The following TBXAS1 variants were observed in gnomAD, a reference collection of about 807,000 sequenced individuals.
The protein encoded by TBXAS1 is thromboxane-A synthase.
In TBXAS1, 48 loss-of-function variants were observed where a neutral mutation model predicts 60.7. That is an observed-to-expected ratio of 0.79 (90% CI 0.63 to 1.01). The LOEUF (loss-of-function observed/expected upper bound fraction) is 1.01, where lower values mean the gene tolerates loss of function less well. Ranked by LOEUF, TBXAS1 falls within the 50% of genes least tolerant of loss-of-function variation. TBXAS1 has a pLI of 0.00. For missense variants in TBXAS1, 685 were observed against 686.3 expected (o/e 1.00, Z 0.02); for synonymous variants, 287 against 269.7 (o/e 1.06, Z -0.63).
intron 2 of TBXAS1, among the ~76,000 whole-genome samples, chr7:139,782,057 C>G (rs1291475286): frequency 6.6e-6 from 1 of 151,512 alleles, no homozygotes. Context: ...GCAGAGAGGG[C>G]CTTACCAGTC....
intron 2 of TBXAS1, among the ~76,000 whole-genome samples, chr7:139,874,993 G>A (rs1211908960): frequency 6.6e-6 from 1 of 152,200 alleles, no homozygotes; most frequent in African/African-American, 2.4e-5. Context: ...TACTCAGGAG[G>A]CTGAGACAGG....
intron 9 of TBXAS1, among the ~76,000 whole-genome samples, chr7:139,986,628 A>G (rs1350050562): frequency 3.3e-5 from 5 of 150,070 alleles, no homozygotes; most frequent in Non-Finnish European, 7.4e-5. Context: ...TTCCATTCCT[A>G]AGTTACTTCA....
At chr7:139,936,765 C>G (rs1334237354) in intron 5 of TBXAS1, among the ~76,000 whole-genome samples, 1 of 152,212 alleles carries the variant, frequency 6.6e-6, no homozygotes, top group Non-Finnish European at 1.5e-5. Context: ...ATGAACCACA[C>G]TTTACATAGC....
At chr7:140,014,561 ATG>A (rs1380696745) in intron 10 of TBXAS1, among the ~76,000 whole-genome samples, 4 of 151,944 alleles carry the variant, frequency 2.6e-5, no homozygotes, top group African/African-American at 9.7e-5. Flanking sequence ...GTGTGTGTGC[ATG>A]TGTGTGTGTG....
intron 5 of TBXAS1, chr7:139,952,754 C>G: frequency 6.9e-7 from 1 of 1,452,924 alleles, no homozygotes. Context: ...AACAATTGCC[C>G]CATGTGGGCA....
intron 4 of TBXAS1, among the ~76,000 whole-genome samples, chr7:139,807,446 C>T (rs1335291580): frequency 9.2e-5 from 14 of 151,958 alleles, no homozygotes; most frequent in African/African-American, 3.4e-4. Flanking sequence ...TGTAGTGGCG[C>T]AATCTCGGCT....
intron 4 of TBXAS1, among the ~76,000 whole-genome samples, chr7:139,915,143 C>T (rs774918846): frequency 3.9e-5 from 6 of 152,160 alleles, no homozygotes; most frequent in South Asian, 2.1e-4. Flanking sequence ...AATTCCATAT[C>T]GATGGTAAAA....
At chr7:139,959,414 G>T (rs1309747072) in intron 8 of TBXAS1, among the ~76,000 whole-genome samples, 1 of 152,158 alleles carries the variant, frequency 6.6e-6, no homozygotes, top group African/African-American at 2.4e-5. Flanking sequence ...ACATCTATCA[G>T]GGTGCGTATT....
intron 3 of TBXAS1, among the ~76,000 whole-genome samples, chr7:139,906,485 T>G (rs1002731698): frequency 2.6e-5 from 4 of 152,224 alleles, no homozygotes; most frequent in African/African-American, 9.6e-5. Context: ...CCCATTGATC[T>G]ATGTGTTTGT....
At chr7:139,869,205 C>A (rs1413145962) in intron 1 of TBXAS1, among the ~76,000 whole-genome samples, 2 of 152,154 alleles carry the variant, frequency 1.3e-5, no homozygotes, top group African/African-American at 4.8e-5. Context: ...TTCCTTGCCT[C>A]TTCCTAGCTT....
chr7:139,854,589 C>A lies in TBXAS1; in HGVS notation c.90-17646C>A, dbSNP rs74435536. Among the ~76,000 whole-genome samples, 1,088 of 152,204 alleles carry A rather than the reference C, an allele frequency of 7.1e-3. 15 individuals are homozygous for A. The highest frequency in any genetic ancestry group is 0.026 in the African/African-American group (1,062 of 41,504). On this transcript the variant is annotated intron_variant, in intron 1 of 12. Transcript: ENST00000448866. ...AACTCTATGCCCAAGGGAGAGACGA[C>A]GACCTGATATAGGGCAGTGCCAGTT... is the stretch of plus-strand genomic sequence containing the variant.
chr7:139,978,965 A>T (rs1312568189), intron 9 of TBXAS1, among the ~76,000 whole-genome samples: 4 of 152,164 alleles, frequency 2.6e-5, no homozygotes, highest in African/African-American at 9.7e-5. Context: ...CAAAAAAACT[A>T]AAAAAGACTA....
chr7:140,016,283 G>C (rs1273814000), intron 11 of TBXAS1: 4 of 301,570 alleles, frequency 1.3e-5, no homozygotes, highest in East Asian at 1.8e-4. Flanking sequence ...AGCCGAGATG[G>C]TGCCACTACA....
At chr7:140,015,129 T>A (rs761012284) in intron 10 of TBXAS1, among the ~76,000 whole-genome samples, 1 of 152,032 alleles carries the variant, frequency 6.6e-6, no homozygotes, top group Admixed American at 6.5e-5. Flanking sequence ...ATCAATGACA[T>A]AGACAGACCA....
intron 2 of TBXAS1, chr7:139,780,960 G>A (rs1319154410): frequency 1.3e-5 from 2 of 154,352 alleles, no homozygotes; most frequent in African/African-American, 4.8e-5. Context: ...GTCTAGCAGT[G>A]AGTGATTCTA....
rs1386068528 is a variant in TBXAS1, at chr7:139,999,448, CG to C, written c.1135-7640del. On this transcript the variant is annotated intron_variant, in intron 9 of 12. Coordinates refer to ENST00000448866, the MANE Select transcript of TBXAS1 (RefSeq NM_001061.7). The surrounding 1 kb of genome is among the most constrained non-coding windows in gnomAD (Gnocchi z 4.3). ...CTGACGCATGAGACTCGCTTGAACC[CG>C]GGAGGTGGAGGTTGCAGTGAGCCGA... Among the ~76,000 whole-genome samples the C allele has an allele frequency of 6.6e-6, 1 of 152,104 alleles. No homozygotes were observed. The highest frequency in any genetic ancestry group is 1.9e-4 in the East Asian group (1 of 5,192).
chr7:139,805,842 C>T (rs1334443316), intron 4 of TBXAS1, among the ~76,000 whole-genome samples: 1 of 148,752 alleles, frequency 6.7e-6, no homozygotes, highest in Admixed American at 6.7e-5. Flanking sequence ...CTCACTGCAA[C>T]CTCTGCCTCT....
At chr7:139,816,353 T>C (rs1210170365) in intron 4 of TBXAS1, among the ~76,000 whole-genome samples, 1 of 152,160 alleles carries the variant, frequency 6.6e-6, no homozygotes, top group Non-Finnish European at 1.5e-5. Flanking sequence ...TGAGACAGAA[T>C]AGGAAGAAAT....
chr7:140,006,333 G>A (rs541906017), intron 9 of TBXAS1, among the ~76,000 whole-genome samples: 1 of 152,160 alleles, frequency 6.6e-6, no homozygotes, highest in Non-Finnish European at 1.5e-5. Context: ...CCAAAGATGG[G>A]GAGCCAGGGA....
Sources: gnomAD v4.1 joint callset for allele counts (sites outside exome capture counted in the v4.1 genomes callset) on GRCh38, gnomAD v4.1.1 for gene constraint, Gnocchi (gnomAD v3.1) non-coding constraint, MANE v1.5 for transcripts, NCBI Gene and HGNC (gene_info 2026-07-23, HGNC 2026-07-21) for gene names.